Variants in NOS1AP observed in about 807,000 individuals in gnomAD.
NOS1AP encodes carboxyl-terminal PDZ ligand of neuronal nitric oxide synthase protein.
A neutral mutation model predicts 56.2 loss-of-function variants in NOS1AP; 21 were observed. The ratio of observed to expected loss-of-function variants is 0.37; its 90% CI spans 0.26 to 0.54. The LOEUF is 0.54. Among genes scored for constraint, NOS1AP ranks in the 20% least tolerant of loss-of-function variants. The pLI is 0.84. For missense variants in NOS1AP, 522 were observed against 657.8 expected (o/e 0.79, Z 2.26); for synonymous variants, 270 against 274.6 (o/e 0.98, Z 0.17).
chr1:162,087,102 T>C (rs1287820559), intron 1 of NOS1AP, among the ~76,000 whole-genome samples: 1 of 152,152 alleles, frequency 6.6e-6, no homozygotes, highest in African/African-American at 2.4e-5. Flanking sequence ...GGGCCTGATA[T>C]ATAGTAGCCA....
chr1:162,199,977 A>G (rs1651940160), intron 2 of NOS1AP, among the ~76,000 whole-genome samples: 1 of 152,172 alleles, frequency 6.6e-6, no homozygotes, highest in South Asian at 2.1e-4. Flanking sequence ...GTAGTGGTAG[A>G]AGCCATGTGC....
At chr1:162,076,298 C>A (rs1226051000) in intron 1 of NOS1AP, among the ~76,000 whole-genome samples, 1 of 152,170 alleles carries the variant, frequency 6.6e-6, no homozygotes, top group Non-Finnish European at 1.5e-5. Context: ...ACCCTGCAAA[C>A]TTGATCTTTG....
intron 1 of NOS1AP, 142 bp from the exon 2 acceptor site, chr1:162,154,263 T>G: frequency 1.4e-6 from 1 of 706,360 alleles, no homozygotes; most frequent in Non-Finnish European, 2.5e-6. Context: ...AGAAACAGAC[T>G]CAAAACAAAA....
intron 2 of NOS1AP, among the ~76,000 whole-genome samples, chr1:162,162,668 G>T (rs1557812071): frequency 6.6e-6 from 1 of 152,090 alleles, no homozygotes; most frequent in Non-Finnish European, 1.5e-5. Flanking sequence ...ATTTGTTTTG[G>T]TTACATTATT....
chr1:162,139,415 C>T (rs1649139878), intron 1 of NOS1AP, among the ~76,000 whole-genome samples: 1 of 152,188 alleles, frequency 6.6e-6, no homozygotes, highest in African/African-American at 2.4e-5. Flanking sequence ...TACAGATAGC[C>T]TGTGAATGGG....
At chr1:162,103,354 AT>A (rs772736656) in intron 1 of NOS1AP, among the ~76,000 whole-genome samples, 1 of 151,902 alleles carries the variant, frequency 6.6e-6, no homozygotes, top group Non-Finnish European at 1.5e-5. Flanking sequence ...ACTTCTGATT[AT>A]GTGATCAATT....
At chr1:162,141,901 A>G (rs551413640) in intron 1 of NOS1AP, among the ~76,000 whole-genome samples, 1 of 152,330 alleles carries the variant, frequency 6.6e-6, no homozygotes, top group African/African-American at 2.4e-5. Context: ...TTTATAGTGC[A>G]GGAGGAGTGG....
At chr1:162,229,298 G>A (rs781396795) in intron 2 of NOS1AP, among the ~76,000 whole-genome samples, 23 of 152,154 alleles carry the variant, frequency 1.5e-4, no homozygotes, top group Non-Finnish European at 3.1e-4. Flanking sequence ...GTAAGATACT[G>A]GTTAGATGTC....
intron 2 of NOS1AP, among the ~76,000 whole-genome samples, chr1:162,189,136 A>G (rs1014366098): frequency 5.9e-5 from 9 of 152,280 alleles, no homozygotes; most frequent in Admixed American, 2.6e-4. Context: ...GCATTATAGT[A>G]TATGTGTTAT....
chr1:162,295,178 T>C (rs546136374), intron 3 of NOS1AP, among the ~76,000 whole-genome samples: 1 of 152,280 alleles, frequency 6.6e-6, no homozygotes, highest in African/African-American at 2.4e-5. Context: ...GTCCCCTCCT[T>C]TTCTCCTCTC....
intron 1 of NOS1AP, among the ~76,000 whole-genome samples, chr1:162,074,749 C>G (rs1691733546): frequency 6.6e-6 from 1 of 152,210 alleles, no homozygotes; most frequent in East Asian, 1.9e-4. Context: ...CTGGATCACT[C>G]ACTTTGCTGC....
chr1:162,151,833 G>T (rs994671876), intron 1 of NOS1AP, among the ~76,000 whole-genome samples: 4 of 152,048 alleles, frequency 2.6e-5, no homozygotes, highest in Non-Finnish European at 5.9e-5. Flanking sequence ...GGGGTGTGGG[G>T]TGAGGCAAGT....
At chr1:162,127,608 T>C (rs1021218079) in intron 1 of NOS1AP, among the ~76,000 whole-genome samples, 1 of 152,014 alleles carries the variant, frequency 6.6e-6, no homozygotes, top group African/African-American at 2.4e-5. Flanking sequence ...TCTCTGCTTC[T>C]GGAGAGGCCT....
At chr1:162,280,636 G>A (rs1654894589) in intron 2 of NOS1AP, among the ~76,000 whole-genome samples, 1 of 152,166 alleles carries the variant, frequency 6.6e-6, no homozygotes, top group South Asian at 2.1e-4. Context: ...TACAAAGTAG[G>A]ATGATACTTC....
intron 3 of NOS1AP, among the ~76,000 whole-genome samples, chr1:162,289,464 CTTTTCTTT>C (rs1360586720): frequency 4.0e-4 from 18 of 45,046 alleles, no homozygotes; most frequent in African/African-American, 1.1e-3. Context: ...CGCCCAGCTA[CTTTTCTTT>C]TTTTTTTTTT....
intron 4 of NOS1AP, among the ~76,000 whole-genome samples, chr1:162,309,791 G>A (rs1468709169): frequency 6.6e-6 from 1 of 152,176 alleles, no homozygotes; most frequent in Non-Finnish European, 1.5e-5. Context: ...AGAGGAGCTA[G>A]TAATGCCTTT....
chr1:162,348,598 C>T (rs187961482), intron 6 of NOS1AP, among the ~76,000 whole-genome samples: 127 of 152,278 alleles, frequency 8.3e-4, no homozygotes, highest in Admixed American at 1.2e-3. Context: ...TGTGAAGAAA[C>T]GCCTGGGTCC....
chr1:162,287,709 T>G (rs1476653050), intron 3 of NOS1AP, among the ~76,000 whole-genome samples: 1 of 151,544 alleles, frequency 6.6e-6, no homozygotes, highest in African/African-American at 2.4e-5. Flanking sequence ...CCTCCCCATT[T>G]TCATACCTTT....
At chr1:162,081,437 C>T (rs1691883140) in intron 1 of NOS1AP, among the ~76,000 whole-genome samples, 1 of 151,898 alleles carries the variant, frequency 6.6e-6, no homozygotes, top group Non-Finnish European at 1.5e-5. Context: ...CTGGGAGGCC[C>T]TTCCTGGAGG....
Sources: gnomAD v4.1 joint callset for allele counts (sites outside exome capture counted in the v4.1 genomes callset) on GRCh38, gnomAD v4.1.1 for gene constraint, MANE v1.5 for transcripts, NCBI Gene and HGNC (gene_info 2026-07-23, HGNC 2026-07-21) for gene names.